Variants in MAML3 observed in about 807,000 individuals in gnomAD.
MAML3 encodes mastermind-like protein 3.
A neutral mutation model predicts 101.9 loss-of-function variants in MAML3; 27 were observed. The observed-to-expected ratio is 0.27, with a 90% CI of 0.20 to 0.37. The LOEUF is 0.37. Among genes scored for constraint, MAML3 ranks in the 10% least tolerant of loss-of-function variants. The pLI, the probability that MAML3 is intolerant of heterozygous loss-of-function variation, is 1.00. For synonymous variants in MAML3, 501 were observed against 555.9 expected, an observed-to-expected ratio of 0.90 and a Z score of 1.39; for missense variants, 1,316 against 1,444.9, an observed-to-expected ratio of 0.91 and a Z score of 1.45.
At chr4:140,084,090 T>C (rs1029320070) in intron 1 of MAML3, among the ~76,000 whole-genome samples, 1 of 152,122 alleles carries the variant, frequency 6.6e-6, no homozygotes, top group Non-Finnish European at 1.5e-5. Flanking sequence ...CTGAAATCTA[T>C]AATATGTCAC....
chr4:139,971,066 G>C (rs1006005027), intron 1 of MAML3, among the ~76,000 whole-genome samples: 2 of 152,094 alleles, frequency 1.3e-5, no homozygotes, highest in African/African-American at 4.8e-5. Context: ...AGGACCGAGG[G>C]GTTAGTTTCA....
intron 1 of MAML3, among the ~76,000 whole-genome samples, chr4:140,083,979 GAGAGAGAGAGA>G (rs1727910929): frequency 3.7e-5 from 4 of 106,778 alleles, no homozygotes; most frequent in African/African-American, 1.6e-4. Flanking sequence ...GAGAGAGAGA[GAGAGAGAGAGA>G]GAGAGAGAGA....
At chr4:140,061,273 A>G (rs938288756) in intron 1 of MAML3, among the ~76,000 whole-genome samples, 2 of 152,224 alleles carry the variant, frequency 1.3e-5, no homozygotes, top group Non-Finnish European at 2.9e-5. Flanking sequence ...TAAGTAAGTT[A>G]AACAGTTCAG....
intron 1 of MAML3, among the ~76,000 whole-genome samples, chr4:140,143,376 C>T (rs1729006350): frequency 6.6e-6 from 1 of 152,184 alleles, no homozygotes; most frequent in African/African-American, 2.4e-5. Flanking sequence ...GAAAGTCACT[C>T]ATTAAAATAT....
chr4:139,934,047 C>A (rs1004978440), intron 1 of MAML3, among the ~76,000 whole-genome samples: 2 of 151,834 alleles, frequency 1.3e-5, no homozygotes, highest in African/African-American at 4.8e-5. Flanking sequence ...CTGTGTGACA[C>A]TAAGTGTGTG....
chr4:139,923,755 A>G (rs1326543006), intron 1 of MAML3, among the ~76,000 whole-genome samples: 1 of 152,082 alleles, frequency 6.6e-6, no homozygotes, highest in Non-Finnish European at 1.5e-5. Context: ...TAGATAATTA[A>G]CTTTTTTTGA....
intron 2 of MAML3, among the ~76,000 whole-genome samples, chr4:139,766,599 G>A (rs1183810117): frequency 2.6e-5 from 4 of 152,094 alleles, no homozygotes; most frequent in African/African-American, 4.8e-5. Context: ...TATGGTAACC[G>A]GCCACACCCA....
At chr4:139,899,630 A>G (rs1283347411) in intron 1 of MAML3, among the ~76,000 whole-genome samples, 1 of 152,202 alleles carries the variant, frequency 6.6e-6, no homozygotes, top group African/African-American at 2.4e-5. Context: ...TTTGTTTTAG[A>G]GAGATCTATG....
chr4:139,774,539 C>A (rs139548347), intron 2 of MAML3, among the ~76,000 whole-genome samples: 8 of 152,184 alleles, frequency 5.3e-5, no homozygotes, highest in Admixed American at 2.6e-4. Context: ...TTTAGGAAGC[C>A]CTAGTATTTC....
rs576425314 is a variant in MAML3 at position 140,144,567 on chromosome 4, A to G, written c.468+8293T>C. Among the ~76,000 whole-genome samples the G allele has an allele frequency of 3.6e-3, 536 of 150,730 alleles. 3 individuals are homozygous for G. Among genetic ancestry groups the G allele is most frequent in the South Asian group, 7.1e-3 (34 of 4,770 alleles). ...CAAAACCAAAAAAAAAAAAAAAAAGAATTAAAGGAATCCTACAGTAAATCC... is the reference window on the plus strand; with the variant it reads ...CAAAACCAAAAAAAAAAAAAAAAAGGATTAAAGGAATCCTACAGTAAATCC... On this transcript the variant is annotated intron_variant, in intron 1 of 4. Transcript: ENST00000509479.
At chr4:139,885,652 C>T (rs1560824278) in intron 2 of MAML3, among the ~76,000 whole-genome samples, 3 of 150,878 alleles carry the variant, frequency 2.0e-5, no homozygotes, top group Admixed American at 6.6e-5. Context: ...GGCCGGGCGC[C>T]GTGGCTCACA....
intron 2 of MAML3, among the ~76,000 whole-genome samples, chr4:139,859,729 G>A (rs2070081249): frequency 6.6e-6 from 1 of 152,206 alleles, no homozygotes; most frequent in South Asian, 2.1e-4. Flanking sequence ...ATTTACAGAT[G>A]AGTAATCTGA....
intron 1 of MAML3, among the ~76,000 whole-genome samples, chr4:140,139,766 TTATC>T (rs1402190395): frequency 1.3e-4 from 20 of 152,174 alleles, no homozygotes; most frequent in Non-Finnish European, 7.3e-5. Context: ...AGATAACCAT[TTATC>T]TATAATCAAT....
Position 140,134,283 on chromosome 4 carries a change from G to A in MAML3, c.468+18577C>T, listed in dbSNP as rs1728845510. On this transcript the variant is annotated intron_variant, in intron 1 of 4. Transcript: ENST00000509479. ...GTATAAACACATTAAGGAAAGGAAAGGTTGAAAGGATGTTCCCACACTCAA... is the reference window on the plus strand; with the variant it reads ...GTATAAACACATTAAGGAAAGGAAAAGTTGAAAGGATGTTCCCACACTCAA... The A allele has an allele frequency of 8.8e-6, 4 of 456,620 alleles. No homozygotes were observed. In the East Asian group the frequency reaches 2.8e-4, roughly 32 times the overall value. The allele number at this position is 456,620 out of a possible 1,614,324, so 28.3% of individuals were successfully genotyped here. A position where few individuals can be genotyped will look rare whatever the true frequency, so the allele number is the denominator to read the frequency against.
At chr4:139,977,305 C>A (rs1734358859) in intron 1 of MAML3, among the ~76,000 whole-genome samples, 1 of 152,122 alleles carries the variant, frequency 6.6e-6, no homozygotes, top group African/African-American at 2.4e-5. Flanking sequence ...CGCAGGACGG[C>A]CCCCGCCACA....
At chr4:140,034,387 C>A (rs1726952834) in intron 1 of MAML3, among the ~76,000 whole-genome samples, 2 of 152,130 alleles carry the variant, frequency 1.3e-5, no homozygotes, top group African/African-American at 2.4e-5. Context: ...GTTTTGATGT[C>A]CAATGTTCAC....
At chr4:139,932,081 G>C (rs984664621) in intron 1 of MAML3, among the ~76,000 whole-genome samples, 10 of 151,838 alleles carry the variant, frequency 6.6e-5, no homozygotes, top group African/African-American at 9.7e-5. Context: ...TAGTATTTTT[G>C]CCTGCCTTTC....
At chr4:139,776,760 T>TTCCATGGGAAAAGGACATGA (rs11271622) in intron 2 of MAML3, among the ~76,000 whole-genome samples, 57,530 of 152,002 alleles carry the variant, frequency 0.38, 11,052 homozygotes, top group Non-Finnish European at 0.4. Flanking sequence ...CAGATATGGC[T>TTCCATGGGAAAAGGACATGA]TCCTGGGATG....
intron 2 of MAML3, among the ~76,000 whole-genome samples, chr4:139,773,343 T>C (rs921422181): frequency 6.6e-6 from 1 of 152,176 alleles, no homozygotes; most frequent in African/African-American, 2.4e-5. Context: ...GTGGTGTTCA[T>C]CAGATCAGAG....
Sources: gnomAD v4.1 joint callset for allele counts (sites outside exome capture counted in the v4.1 genomes callset) on GRCh38, gnomAD v4.1.1 for gene constraint, MANE v1.5 for transcripts, NCBI Gene and HGNC (gene_info 2026-07-23, HGNC 2026-07-21) for gene names.